The following FCHSD2 variants were observed in gnomAD, a reference collection of about 807,000 sequenced individuals.
The protein encoded by FCHSD2 is FCH and double SH3 domains 2, also known as F-BAR and double SH3 domains protein 2.
A neutral mutation model predicts 108.1 loss-of-function variants in FCHSD2; 38 were observed. The ratio of observed to expected loss-of-function variants is 0.35; its 90% confidence interval spans 0.27 to 0.46. The LOEUF is 0.46. Among genes scored for constraint, FCHSD2 ranks in the 20% least tolerant of loss-of-function variants. The pLI, the probability that FCHSD2 is intolerant of heterozygous loss-of-function variation, is 1.00. For synonymous variants in FCHSD2, 279 were observed against 314.7 expected (o/e 0.89, Z 1.20); for missense variants, 751 against 897.8 (o/e 0.84, Z 2.09).
intron 10 of FCHSD2, among the ~76,000 whole-genome samples, chr11:72,892,301 G>C (rs1855329429): frequency 6.6e-6 from 1 of 152,170 alleles, no homozygotes; most frequent in Non-Finnish European, 1.5e-5. Context: ...GGAGTCCAAT[G>C]ATCAGGACAG....
intron 3 of FCHSD2, among the ~76,000 whole-genome samples, chr11:73,080,296 CAAAAA>C (rs370633105): frequency 1.9e-5 from 1 of 52,274 alleles, no homozygotes; most frequent in Non-Finnish European, 4.3e-5. Context: ...GACCCTGTCT[CAAAAA>C]AAAAAAAAAA....
At chr11:72,915,311 GT>G (rs1209911350) in intron 9 of FCHSD2, among the ~76,000 whole-genome samples, 1 of 152,152 alleles carries the variant, frequency 6.6e-6, no homozygotes, top group Non-Finnish European at 1.5e-5. Flanking sequence ...GTGTAAATTA[GT>G]TCAACCATCG....
intron 2 of FCHSD2, among the ~76,000 whole-genome samples, chr11:73,103,391 T>C (rs1160991275): frequency 1.1e-4 from 16 of 152,220 alleles, no homozygotes; most frequent in Admixed American, 9.2e-4. Context: ...TTCTGAAAAC[T>C]TAACCTGCTT....
intron 8 of FCHSD2, among the ~76,000 whole-genome samples, chr11:72,963,885 T>C (rs1054791913): frequency 1.3e-5 from 2 of 152,128 alleles, no homozygotes; most frequent in Non-Finnish European, 1.5e-5. Context: ...GGCCCTGGGG[T>C]TGGGGACCCT....
chr11:72,940,901 T>C (rs1043157244), intron 8 of FCHSD2: 12 of 869,384 alleles, frequency 1.4e-5, no homozygotes, highest in Non-Finnish European at 1.9e-5. Context: ...GTTATCCTCA[T>C]TGATCCATTC....
intron 2 of FCHSD2, among the ~76,000 whole-genome samples, chr11:73,094,173 T>G (rs1860023812): frequency 6.6e-6 from 1 of 152,022 alleles, no homozygotes; most frequent in Non-Finnish European, 1.5e-5. Flanking sequence ...ACCACGCCAA[T>G]GCACTCCAGC....
chr11:73,009,121 T>C (rs937916689), intron 4 of FCHSD2, among the ~76,000 whole-genome samples: 1 of 151,708 alleles, frequency 6.6e-6, no homozygotes, highest in Non-Finnish European at 1.5e-5. Context: ...AAATGCTGCA[T>C]GTATCATCAG....
At chr11:72,865,471 C>A (rs1032510959) in intron 13 of FCHSD2, among the ~76,000 whole-genome samples, 1 of 152,164 alleles carries the variant, frequency 6.6e-6, no homozygotes, top group Admixed American at 6.5e-5. Context: ...GCTCCCTTCA[C>A]AGAGGATATG....
intron 3 of FCHSD2, among the ~76,000 whole-genome samples, chr11:73,020,226 G>A (rs1435789456): frequency 6.6e-6 from 1 of 152,170 alleles, no homozygotes; most frequent in Non-Finnish European, 1.5e-5. Flanking sequence ...AACACAAAGA[G>A]AGCCACTGTT....
At chr11:73,141,747 G>C (rs1280919146) in intron 1 of FCHSD2, 110 bp downstream of exon 1, 25 of 1,197,558 alleles carry the variant, frequency 2.1e-5, no homozygotes, top group Non-Finnish European at 2.8e-5. Flanking sequence ...AGCCCAAGAC[G>C]AGGGCGGTCA....
intron 9 of FCHSD2, among the ~76,000 whole-genome samples, chr11:72,919,200 T>G (rs1245760476): frequency 6.6e-6 from 1 of 152,192 alleles, no homozygotes; most frequent in African/African-American, 2.4e-5. Flanking sequence ...TAACAAGCTC[T>G]TCATAACAGA....
intron 8 of FCHSD2, among the ~76,000 whole-genome samples, chr11:72,956,207 T>C (rs923171228): frequency 1.4e-4 from 22 of 152,144 alleles, no homozygotes; most frequent in African/African-American, 5.1e-4. Context: ...CATAATGATA[T>C]AAATAAATAA....
intron 8 of FCHSD2, among the ~76,000 whole-genome samples, chr11:72,978,854 C>CTTTTTTTTT (rs1190277188): frequency 1.8e-5 from 2 of 110,858 alleles, no homozygotes; most frequent in Non-Finnish European, 3.5e-5. Context: ...GTAGCTCTTT[C>CTTTTTTTTT]TTTTTTTTTT....
chr11:72,887,439 G>T, intron 12 of FCHSD2, 31 bp downstream of exon 12: 1 of 1,429,262 alleles, frequency 7.0e-7, no homozygotes, highest in Non-Finnish European at 9.8e-7. Context: ...ATTAGACCTG[G>T]GCAAAATGCC....
At chr11:72,955,113 T>C (rs1312402608) in intron 8 of FCHSD2, among the ~76,000 whole-genome samples, 1 of 152,130 alleles carries the variant, frequency 6.6e-6, no homozygotes, top group African/African-American at 2.4e-5. Context: ...TCTCACAGAC[T>C]GCTAACCCAC....
chr11:73,134,718 T>C (rs530520998), intron 2 of FCHSD2, among the ~76,000 whole-genome samples: 3 of 152,374 alleles, frequency 2.0e-5, no homozygotes, highest in African/African-American at 4.8e-5. Flanking sequence ...TCTTTGACTT[T>C]GGTGAAACTC....
intron 13 of FCHSD2, among the ~76,000 whole-genome samples, chr11:72,852,125 G>C (rs1861306276): frequency 6.6e-6 from 1 of 152,088 alleles, no homozygotes; most frequent in African/African-American, 2.4e-5. Context: ...CTGGGTTCAA[G>C]TGATCCTCCC....
At chr11:73,103,786 T>C (rs1476213305) in intron 2 of FCHSD2, among the ~76,000 whole-genome samples, 2 of 152,222 alleles carry the variant, frequency 1.3e-5, no homozygotes, top group Non-Finnish European at 2.9e-5. Context: ...TGTAAATTTT[T>C]CTAGATATTC....
intron 4 of FCHSD2, 134 bp from the exon 5 acceptor site, chr11:73,001,268 AAT>A (rs1857620660): frequency 1.4e-6 from 1 of 728,008 alleles, no homozygotes; most frequent in Non-Finnish European, 2.3e-6. Context: ...GCTTATAGGC[AAT>A]ATGTCAGCAC....
Sources: gnomAD v4.1 joint callset for allele counts (sites outside exome capture counted in the v4.1 genomes callset) on GRCh38, gnomAD v4.1.1 for gene constraint, MANE v1.5 for transcripts, NCBI Gene and HGNC (gene_info 2026-07-23, HGNC 2026-07-21) for gene names.